Variants in FOXK1 observed in about 807,000 individuals in gnomAD.
FOXK1 encodes forkhead box protein K1.
In FOXK1, 19 loss-of-function variants were observed where a neutral mutation model predicts 51.9. The ratio of observed to expected loss-of-function variants is 0.37; its 90% confidence interval spans 0.26 to 0.54. The LOEUF is 0.54. Ranked by LOEUF, FOXK1 falls within the 20% of genes least tolerant of loss-of-function variation. The pLI, the probability that FOXK1 is intolerant of heterozygous loss-of-function variation, is 0.87. For synonymous variants in FOXK1, 537 were observed against 482.6 expected, an observed-to-expected ratio of 1.11 and a Z score of -1.48; for missense variants, 870 against 1,032.7, an observed-to-expected ratio of 0.84 and a Z score of 2.16.
intron 1 of FOXK1, among the ~76,000 whole-genome samples, chr7:4,725,129 T>C (rs1304003327): frequency 3.3e-5 from 5 of 152,380 alleles, no homozygotes; most frequent in Non-Finnish European, 7.3e-5. Context: ...CCCACTGTGC[T>C]GTGCTCTCTC....
intron 2 of FOXK1, among the ~76,000 whole-genome samples, chr7:4,751,083 C>T (rs1267409680): frequency 2.0e-5 from 3 of 146,724 alleles, no homozygotes; most frequent in African/African-American, 7.6e-5. Flanking sequence ...GGCGCAATCT[C>T]GACTCACTGC....
chr7:4,741,422 G>A (rs1043119555), intron 2 of FOXK1, among the ~76,000 whole-genome samples: 4 of 152,038 alleles, frequency 2.6e-5, no homozygotes, highest in Admixed American at 6.6e-5. Context: ...TCCACCTCCC[G>A]GGTTCAAGGG....
In FOXK1 at chr7:4,756,753, A is replaced by C. The variant is rs1312379065; in HGVS notation, c.1051-241A>C. On this transcript the variant is annotated intron_variant, in intron 4 of 8. Transcript: ENST00000328914. The surrounding 1 kb of genome is among the most constrained non-coding windows in gnomAD (Gnocchi z 4.1). ...GCACTCCATCCTGGGCGACAGAATG[A>C]GACTCCGTCAAAAAAAAAAAAAAGG... Among the ~76,000 whole-genome samples the C allele has an allele frequency of 1.3e-5, 2 of 151,266 alleles. No individual in the cohort carries two copies. Among genetic ancestry groups the C allele is most frequent in the African/African-American group, 4.9e-5 (2 of 41,180 alleles).
At chr7:4,697,595 C>T (rs1231822057) in intron 1 of FOXK1, among the ~76,000 whole-genome samples, 3 of 152,298 alleles carry the variant, frequency 2.0e-5, no homozygotes, top group Non-Finnish European at 2.9e-5. Flanking sequence ...CACATCAGTG[C>T]GTTTACCTGG....
Position 4,759,477 on chromosome 7 carries a change from G to T in FOXK1, c.1578G>T (p.Arg526Ser). The change falls in exon 7 of 9, where the codon AGG becomes AGT. Residue 526 changes from arginine to serine, a missense_variant. By Grantham distance (110) the Arg-to-Ser change is moderately radical. This residue lies in a region of FOXK1 where 457 missense variants were observed against 510.8 expected (regional missense o/e 0.89). Transcript: ENST00000328914. ...AGGCCCCCACCGTCACCATGGTCAG[G>T]GTGGTCACCACATCTGCCAACTCGG... is the stretch of plus-strand genomic sequence containing the variant. ...VQQAPTVTMV[R>S]VVTTSANSAN... 6.3e-7 allele frequency: 1 copy of T among 1,586,902 alleles called. No individual in the cohort carries two copies. Among genetic ancestry groups the T allele is most frequent in the Non-Finnish European group, 8.5e-7 (1 of 1,171,768 alleles).
chr7:4,719,402 C>T (rs1294204292), intron 1 of FOXK1, among the ~76,000 whole-genome samples: 2 of 152,026 alleles, frequency 1.3e-5, no homozygotes, highest in Non-Finnish European at 2.9e-5. Flanking sequence ...TGCCTCCCAA[C>T]GTGCTGGGAT....
At chr7:4,712,020 C>G (rs184613401) in intron 1 of FOXK1, among the ~76,000 whole-genome samples, 1 of 151,366 alleles carries the variant, frequency 6.6e-6, no homozygotes, top group East Asian at 1.9e-4. Flanking sequence ...GCTGGAAGTT[C>G]AGATTCTTTG....
chr7:4,745,494 GATTT>G lies in FOXK1; in HGVS notation c.746+4476_746+4479del, dbSNP rs1330546025. Among the ~76,000 whole-genome samples the G allele has an allele frequency of 1.3e-5, 2 of 151,244 alleles. No individual in the cohort carries two copies. The highest frequency in any genetic ancestry group is 2.4e-5 in the African/African-American group (1 of 41,182). ...GTTTTGTGTGTGTGTGTGTGTTTCTGATTTATTTTTTTCTGCCCTGAAGTACTCC... is the reference window on the plus strand; with the variant it reads ...GTTTTGTGTGTGTGTGTGTGTTTCTGATTTTTTTCTGCCCTGAAGTACTCC... On this transcript the variant is annotated intron_variant, in intron 2 of 8. Coordinates refer to ENST00000328914, the MANE Select transcript of FOXK1 (RefSeq NM_001037165.2). The surrounding 1 kb of genome is among the most constrained non-coding windows in gnomAD (Gnocchi z 4.3).
In FOXK1 at chr7:4,711,487, C is replaced by T. The variant is rs1001485266; in HGVS notation, c.560+28619C>T. 5.3e-5 allele frequency among the ~76,000 whole-genome samples: 8 copies of T among 152,102 alleles called. No individual in the cohort carries two copies. The highest frequency in any genetic ancestry group is 1.9e-4 in the East Asian group (1 of 5,186). ...TGTGACTTTCTCAGTGGCCCTCAGACGTCTTGGCAAGTGAAGAGTGTGAAG... is the reference window on the plus strand; with the variant it reads ...TGTGACTTTCTCAGTGGCCCTCAGATGTCTTGGCAAGTGAAGAGTGTGAAG... On this transcript the variant is annotated intron_variant, in intron 1 of 8. Transcript: ENST00000328914. The surrounding 1 kb of genome is among the most constrained non-coding windows in gnomAD (Gnocchi z 6.3).
chr7:4,746,747 A>C (rs1297688448), intron 2 of FOXK1, among the ~76,000 whole-genome samples: 1 of 152,234 alleles, frequency 6.6e-6, no homozygotes, highest in Non-Finnish European at 1.5e-5. Flanking sequence ...TGTTTTCAGC[A>C]GGGCTGCAGG....
Position 4,757,206 on chromosome 7 carries a change from C to A in FOXK1, c.1244+19C>A. 1 of 1,573,976 alleles carries A rather than the reference C, an allele frequency of 6.4e-7. No homozygotes were observed. The highest frequency in any genetic ancestry group is 1.4e-5 in the African/African-American group (1 of 73,756). On this transcript the variant is annotated intron_variant, in intron 5 of 8. Transcript: ENST00000328914. ...CCTCAAGGTAAAGTTCTCTGAGCGC[C>A]CGTCCTCCAGCTGTTAGGAAAGCTG...
intron 2 of FOXK1, among the ~76,000 whole-genome samples, chr7:4,741,314 G>A (rs184078179): frequency 8.9e-4 from 132 of 148,902 alleles, no homozygotes; most frequent in African/African-American, 3.1e-3. Flanking sequence ...TTTAAAGGGC[G>A]TTGAAAATGT....
In FOXK1 at chr7:4,682,449, G is replaced by C; in HGVS notation, c.141G>C (p.Gln47His). Residue 47 changes from glutamine to histidine, a missense_variant, in exon 1 of 9, where the codon CAG (glutamine) becomes CAC (histidine). Physicochemically the swap from Gln to His is conservative, Grantham distance 24. Around this residue, in one of 3 missense-constraint regions of FOXK1, gnomAD observed 399 missense variants for 475.6 expected, o/e 0.84. Transcript: ENST00000328914. The surrounding 1 kb of genome is among the most constrained non-coding windows in gnomAD (Gnocchi z 7.6). ...AAPPPAPAQP[Q>H]PPPGPPPPPP... is the part of the protein sequence containing the mutation. ...CCCCGCCGGCCCCCGCGCAGCCCCA[G>C]CCTCCGCCCGGGCCGCCGCCGCCGC... The C allele has an allele frequency of 1.0e-6, 1 of 982,124 alleles. No homozygotes were observed. Among genetic ancestry groups the C allele is most frequent in the Non-Finnish European group, 1.2e-6 (1 of 829,770 alleles). 60.8% of individuals were successfully genotyped at this position (982,124 alleles called of 1,614,324 possible). A position where few individuals can be genotyped will look rare whatever the true frequency, so the allele number is the denominator to read the frequency against.
Position 4,762,584 on chromosome 7 carries a change from C to T in FOXK1, c.*120C>T, listed in dbSNP as rs748875615. On this transcript the variant is annotated 3_prime_UTR_variant, in exon 9 of 9. Coordinates refer to ENST00000328914, the MANE Select transcript of FOXK1 (RefSeq NM_001037165.2). This position sits in a 1 kb window ranked among gnomAD's most constrained non-coding sequence, Gnocchi z 5.7. Reference sequence around the variant, plus strand: ...ACAGCCCGCGGCGGCCTGTGGGCATCGGCGGCACCTGGACACACCCAGCCC... The same window carrying T: ...ACAGCCCGCGGCGGCCTGTGGGCATTGGCGGCACCTGGACACACCCAGCCC... 1.6e-5 allele frequency: 16 copies of T among 979,990 alleles called. No individual in the cohort carries two copies. Among genetic ancestry groups the T allele is most frequent in the Admixed American group, 2.8e-5 (1 of 35,564 alleles). The allele number at this position is 979,990 out of a possible 1,614,324, so 60.7% of individuals were successfully genotyped here. A position where few individuals can be genotyped will look rare whatever the true frequency, so the allele number is the denominator to read the frequency against.
chr7:4,724,810 G>A (rs563878326), intron 1 of FOXK1, among the ~76,000 whole-genome samples: 2 of 152,178 alleles, frequency 1.3e-5, no homozygotes, highest in African/African-American at 4.8e-5. Context: ...AGGGATGGTG[G>A]GCGGTGATCC....
At chr7:4,688,904 T>C in intron 1 of FOXK1, among the ~76,000 whole-genome samples, 1 of 152,122 alleles carries the variant, frequency 6.6e-6, no homozygotes, top group Non-Finnish European at 1.5e-5. Flanking sequence ...AATGTCTGGG[T>C]GTCCCCCACA....
chr7:4,752,107 C>T lies in FOXK1; in HGVS notation c.747-2352C>T, dbSNP rs1339037952. On this transcript the variant is annotated intron_variant, in intron 2 of 8. Transcript: ENST00000328914. ...AGCTGGAACTGCAGGTGTGCATTAC[C>T]ACGCCCAGCTAATTTTTAAAATGTT... Among the ~76,000 whole-genome samples the T allele has an allele frequency of 4.6e-5, 7 of 152,344 alleles. No homozygotes were observed. The South Asian group carries it at 1.5e-3, about 32-fold the overall frequency.
At chr7:4,714,334 A>G (rs748130740) in intron 1 of FOXK1, among the ~76,000 whole-genome samples, 26 of 152,076 alleles carry the variant, frequency 1.7e-4, no homozygotes, top group East Asian at 3.9e-4. Flanking sequence ...GCTGGAGTGC[A>G]ATGGCGCGAT....
At chr7:4,738,322 A>G (rs1364977015) in intron 1 of FOXK1, among the ~76,000 whole-genome samples, 2 of 151,584 alleles carry the variant, frequency 1.3e-5, no homozygotes, top group East Asian at 3.9e-4. Context: ...CTGTAATCCC[A>G]GCTACTTGGG....
Sources: gnomAD v4.1 joint callset for allele counts (sites outside exome capture counted in the v4.1 genomes callset) on GRCh38, gnomAD v4.1.1 for gene constraint, gnomAD v4.1.1 regional missense constraint, Gnocchi (gnomAD v3.1) non-coding constraint, MANE v1.5 for transcripts, NCBI Gene and HGNC (gene_info 2026-07-23, HGNC 2026-07-21) for gene names.